ADGRG5: variants seen among roughly 807,000 people sequenced by gnomAD.
ADGRG5 encodes G protein-coupled receptor 114.
A neutral mutation model predicts 53.2 loss-of-function variants in ADGRG5; 37 were observed. The ratio of observed to expected loss-of-function variants is 0.70; its 90% confidence interval spans 0.53 to 0.91. ADGRG5 has a LOEUF of 0.91. Among genes scored for constraint, ADGRG5 ranks in the 40% least tolerant of loss-of-function variants. ADGRG5 has a pLI of 0.00. For missense variants in ADGRG5, 614 were observed against 675.8 expected (o/e 0.91, Z 1.01); for synonymous variants, 277 against 290.4 (o/e 0.95, Z 0.47).
chr16:57,567,594 A>G lies in ADGRG5; in HGVS notation c.821+3A>G, dbSNP rs561976915. On this transcript the variant is annotated splice_donor_region_variant and intron_variant, in intron 8 of 11. Coordinates refer to ENST00000349457, the MANE Select transcript of ADGRG5 (RefSeq NM_001304376.3). ...GTCCTGCTGCACTTCCATTTCAGGT[A>G]TTCCGCTGCCACAGTGCTGGGCCTG... The G allele has an allele frequency of 2.5e-6, 4 of 1,609,436 alleles. No individual in the cohort carries two copies. In the East Asian group the frequency reaches 8.9e-5, roughly 36 times the overall value.
the ADGRG5 span, among the ~76,000 whole-genome samples, chr16:57,533,872 A>G: frequency 6.6e-6 from 1 of 152,038 alleles, no homozygotes; most frequent in African/African-American, 2.4e-5. Flanking sequence ...ACCAGGCTCA[A>G]TGCCCTCTTG....
intron 1 of ADGRG5, among the ~76,000 whole-genome samples, chr16:57,546,912 G>T (rs936779911): frequency 6.6e-6 from 1 of 152,032 alleles, no homozygotes; most frequent in South Asian, 2.1e-4. Flanking sequence ...GGGTCTTGCT[G>T]TGTTGCCCAG....
At chr16:57,541,858 G>A (rs1267697950), upstream of ADGRG5, among the ~76,000 whole-genome samples, 1 of 152,216 alleles carries the variant, frequency 6.6e-6, no homozygotes, top group African/African-American at 2.4e-5. Context: ...GGCCTATCCA[G>A]CTGCCTGGCT....
In ADGRG5 at chr16:57,570,404, G is replaced by A; in HGVS notation, c.1091-14G>A. 1.3e-6 allele frequency: 2 copies of A among 1,583,314 alleles called. No homozygotes were observed. The highest frequency in any genetic ancestry group is 1.1e-5 in the South Asian group (1 of 90,456). ...CCTCTCCCACATCTCCTGAGCCTTT[G>A]TCCCACCCCTCAGGGGCCCCAGCCC... is the stretch of plus-strand genomic sequence containing the variant. On this transcript the variant is annotated splice_polypyrimidine_tract_variant and intron_variant, in intron 9 of 11. Coordinates refer to ENST00000349457, the MANE Select transcript of ADGRG5 (RefSeq NM_001304376.3).
chr16:57,573,284 A>C (rs1408214736), intron 10 of ADGRG5, among the ~76,000 whole-genome samples: 1 of 151,934 alleles, frequency 6.6e-6, no homozygotes, highest in Non-Finnish European at 1.5e-5. Context: ...ATACACAAAA[A>C]TTAGCTGGGC....
the ADGRG5 span, among the ~76,000 whole-genome samples, chr16:57,529,785 T>C: frequency 7.9e-5 from 12 of 152,172 alleles, no homozygotes; most frequent in Non-Finnish European, 1.5e-4. This position sits in a 1 kb window ranked among gnomAD's most constrained non-coding sequence, Gnocchi z 4.1. Context: ...CAGCCCCTTA[T>C]GTGTCTCCAT....
At chr16:57,532,834 G>A in the ADGRG5 span, among the ~76,000 whole-genome samples, 1 of 152,192 alleles carries the variant, frequency 6.6e-6, no homozygotes, top group Admixed American at 6.5e-5. Context: ...GGGAGGGGAG[G>A]AGGAGGAGGA....
At chr16:57,562,977 C>T (rs1244464155) in intron 3 of ADGRG5, 114 bp from the exon 4 acceptor site, 7 of 926,184 alleles carry the variant, frequency 7.6e-6, no homozygotes, top group Admixed American at 3.8e-5. Flanking sequence ...TCTGGAGGTG[C>T]GTGTGACAGA....
intron 5 of ADGRG5, among the ~76,000 whole-genome samples, chr16:57,564,686 C>A (rs1432919203): frequency 6.6e-6 from 1 of 152,106 alleles, no homozygotes; most frequent in African/African-American, 2.4e-5. Context: ...GGGGTTGGGG[C>A]TCTTCCCAGT....
intron 1 of ADGRG5, among the ~76,000 whole-genome samples, chr16:57,556,139 A>G (rs1213249700): frequency 6.6e-6 from 1 of 152,198 alleles, no homozygotes; most frequent in African/African-American, 2.4e-5. Context: ...AACTATACTA[A>G]TACACTTATG....
chr16:57,565,520 A>G (rs1267186509), intron 6 of ADGRG5: 1 of 356,162 alleles, frequency 2.8e-6, no homozygotes, highest in Non-Finnish European at 5.0e-6. Flanking sequence ...TTGGCTGTCC[A>G]TTCTGTGGCA....
At chr16:57,555,744 A>G (rs892128712) in intron 1 of ADGRG5, among the ~76,000 whole-genome samples, 2 of 152,102 alleles carry the variant, frequency 1.3e-5, no homozygotes, top group African/African-American at 4.8e-5. Flanking sequence ...TTACTTTTTC[A>G]GATATTAATA....
At chr16:57,559,364 C>G (rs1348126464) in intron 1 of ADGRG5, among the ~76,000 whole-genome samples, 1 of 152,194 alleles carries the variant, frequency 6.6e-6, no homozygotes, top group Non-Finnish European at 1.5e-5. Context: ...ATGGGCTTCT[C>G]CAGGTAATCC....
At chr16:57,557,206 G>A (rs1292428963) in intron 1 of ADGRG5, among the ~76,000 whole-genome samples, 3 of 152,110 alleles carry the variant, frequency 2.0e-5, no homozygotes, top group East Asian at 1.9e-4. Context: ...CACTGCACCC[G>A]ACCTTGTCTT....
At chr16:57,563,335 C>T in intron 4 of ADGRG5, 88 bp downstream of exon 4, 3 of 1,164,200 alleles carry the variant, frequency 2.6e-6, no homozygotes, top group Non-Finnish European at 2.5e-6. Context: ...CTTTAGGCTC[C>T]ACTGTCTTCC....
chr16:57,561,926 C>T (rs2033011078), intron 1 of ADGRG5, 130 bp from the exon 2 acceptor site: 2 of 489,374 alleles, frequency 4.1e-6, no homozygotes, highest in Non-Finnish European at 7.2e-6. Context: ...TCCTCAGCTT[C>T]CTCATCTGTG....
intron 1 of ADGRG5, among the ~76,000 whole-genome samples, chr16:57,548,182 T>C (rs1314574712): frequency 1.3e-5 from 2 of 151,970 alleles, no homozygotes; most frequent in East Asian, 3.9e-4. Flanking sequence ...ACATCTTTTT[T>C]TTTTTTTTTT....
chr16:57,562,510 C>A, intron 3 of ADGRG5, 51 bp downstream of exon 3: 1 of 1,282,506 alleles, frequency 7.8e-7, no homozygotes, highest in Non-Finnish European at 1.1e-6. Flanking sequence ...ATCAGTGGGT[C>A]AGGGTTAGTC....
chr16:57,552,956 G>A (rs1213263660), intron 1 of ADGRG5, among the ~76,000 whole-genome samples: 2 of 152,162 alleles, frequency 1.3e-5, no homozygotes, highest in African/African-American at 4.8e-5. Context: ...CCCAAGAAGA[G>A]GGAGGGAGAC....
Sources: gnomAD v4.1 joint callset for allele counts (sites outside exome capture counted in the v4.1 genomes callset) on GRCh38, gnomAD v4.1.1 for gene constraint, Gnocchi (gnomAD v3.1) non-coding constraint, MANE v1.5 for transcripts, NCBI Gene and HGNC (gene_info 2026-07-23, HGNC 2026-07-21) for gene names.